The following PATJ variants were observed in gnomAD, a reference collection of about 807,000 sequenced individuals.
The protein encoded by PATJ is PATJ crumbs cell polarity complex component.
Under a neutral mutation model 224.9 loss-of-function variants are expected in PATJ, and 190 were observed. The ratio of observed to expected loss-of-function variants is 0.84; its 90% CI spans 0.75 to 0.95. PATJ has a LOEUF of 0.95. PATJ is among the 40% of genes least tolerant of loss of function. PATJ has a pLI of 0.00. For missense variants in PATJ, 2,121 were observed against 2,270.3 expected (o/e 0.93, Z 1.34); for synonymous variants, 769 against 820.3 (o/e 0.94, Z 1.07).
At chr1:61,849,912 T>C (rs1208485970) in intron 17 of PATJ, among the ~76,000 whole-genome samples, 1 of 152,230 alleles carries the variant, frequency 6.6e-6, no homozygotes, top group East Asian at 1.9e-4. Flanking sequence ...GCTAAGCATA[T>C]AAATGTTAAA....
intron 41 of PATJ, among the ~76,000 whole-genome samples, chr1:62,132,847 T>A (rs2148961461): frequency 6.6e-6 from 1 of 152,076 alleles, no homozygotes; most frequent in South Asian, 2.1e-4. Flanking sequence ...GAGGTTGCAG[T>A]GAGCCAAGAT....
At chr1:61,851,294 G>T (rs759800658) in intron 17 of PATJ, among the ~76,000 whole-genome samples, 7 of 152,216 alleles carry the variant, frequency 4.6e-5, no homozygotes, top group Non-Finnish European at 7.4e-5. Context: ...TTGGTTTAGG[G>T]ATATCACAGA....
chr1:61,990,225 A>G lies in PATJ; in HGVS notation c.3728A>G (p.Glu1243Gly), dbSNP rs751496732. ...GGAGAACTGCACATTATTGAACTTGAAAAAGATAAGAATGGACTTGGACTC... is the reference window on the plus strand; with the variant it reads ...GGAGAACTGCACATTATTGAACTTGGAAAAGATAAGAATGGACTTGGACTC... ...LPGELHIIELEKDKNGLGLSL... is the reference protein window; with the variant it reads ...LPGELHIIELGKDKNGLGLSL... The change falls in exon 28 of 44, where the codon GAA becomes GGA. Residue 1243 changes from glutamate (E) to glycine (G), a missense_variant. Transcript: ENST00000642238. The G allele has an allele frequency of 6.2e-7, 1 of 1,613,826 alleles. No homozygotes were observed. Among genetic ancestry groups the G allele is most frequent in the Non-Finnish European group, 8.5e-7 (1 of 1,179,874 alleles).
chr1:61,997,683 G>T (rs975157207), intron 28 of PATJ, among the ~76,000 whole-genome samples: 4 of 151,960 alleles, frequency 2.6e-5, no homozygotes, highest in African/African-American at 9.7e-5. Context: ...AGTAGATAAA[G>T]ATTAATGCAA....
chr1:62,062,808 C>A (rs932220182), intron 31 of PATJ, among the ~76,000 whole-genome samples: 4 of 152,140 alleles, frequency 2.6e-5, no homozygotes, highest in Admixed American at 2.6e-4. Flanking sequence ...TGTCTTCTTT[C>A]CAGAAGAGTG....
chr1:62,088,018 A>G (rs562283119), intron 33 of PATJ, among the ~76,000 whole-genome samples: 2 of 112,096 alleles, frequency 1.8e-5, no homozygotes, highest in Non-Finnish European at 4.2e-5. Context: ...CAGCCTCCTG[A>G]GTAGCTGGGA....
chr1:62,142,486 A>T (rs1442383473), intron 41 of PATJ, among the ~76,000 whole-genome samples: 13 of 152,200 alleles, frequency 8.5e-5, no homozygotes, highest in Admixed American at 8.5e-4. Context: ...CCTATTCCTT[A>T]TGACAGTTTT....
At chr1:61,878,704 A>G (rs915303766) in intron 21 of PATJ, among the ~76,000 whole-genome samples, 2 of 152,130 alleles carry the variant, frequency 1.3e-5, no homozygotes, top group Non-Finnish European at 2.9e-5. Context: ...AAAAGTTTTA[A>G]AAGAGTATCT....
rs1344621798 is a variant in PATJ at position 62,000,193 on chromosome 1, G to T, written c.3867+9829G>T. 2.7e-5 allele frequency among the ~76,000 whole-genome samples: 4 copies of T among 148,010 alleles called. No individual in the cohort carries two copies. The East Asian group carries it at 8.3e-4, about 31-fold the overall frequency. On this transcript the variant is annotated intron_variant, in intron 28 of 43. Coordinates refer to ENST00000642238, the MANE Select transcript of PATJ (RefSeq NM_001350145.3). ...TGACAGCCACCGTGCCCAGCCTAGAGTTTTTTGTTTTTTTTTTTTTATACT... is the reference window on the plus strand; with the variant it reads ...TGACAGCCACCGTGCCCAGCCTAGATTTTTTTGTTTTTTTTTTTTTATACT...
chr1:62,077,894 GA>G lies in PATJ; in HGVS notation c.4126-1549del, dbSNP rs376764721. On this transcript the variant is annotated intron_variant, in intron 31 of 43. Coordinates refer to ENST00000642238, the MANE Select transcript of PATJ (RefSeq NM_001350145.3). ...ATTTATGCTTGGTTTTCTGCAAAAA[GA>G]AAAAAAGTAATATTTAACTGTCGGG... Among the ~76,000 whole-genome samples, 483 of 152,184 alleles carry G rather than the reference GA, an allele frequency of 3.2e-3. 3 individuals are homozygous for G. Among genetic ancestry groups the G allele is most frequent in the African/African-American group, 0.011 (459 of 41,510 alleles).
At chr1:61,788,901 C>T (rs919276473) in intron 8 of PATJ, among the ~76,000 whole-genome samples, 2 of 152,058 alleles carry the variant, frequency 1.3e-5, no homozygotes, top group Non-Finnish European at 2.9e-5. Flanking sequence ...CTCGAACTCC[C>T]AACCTCAGGT....
At chr1:61,797,744 C>A (rs4915778) in intron 11 of PATJ, among the ~76,000 whole-genome samples, 56,960 of 151,832 alleles carry the variant, frequency 0.38, 12,346 homozygotes, top group South Asian at 0.56. Flanking sequence ...GCTTTGACAC[C>A]TTTTGTTAGG....
At chr1:61,945,100 C>T (rs191477484) in intron 27 of PATJ, among the ~76,000 whole-genome samples, 1,853 of 152,260 alleles carry the variant, frequency 0.012, 27 homozygotes, top group South Asian at 0.055. Flanking sequence ...AAGTAACAAC[C>T]GATACCAGCC....
intron 37 of PATJ, among the ~76,000 whole-genome samples, chr1:62,119,159 A>G (rs1261783748): frequency 2.0e-5 from 3 of 151,932 alleles, no homozygotes. Flanking sequence ...ATTTTTAAAA[A>G]CAGTAAATAT....
intron 28 of PATJ, among the ~76,000 whole-genome samples, chr1:62,017,487 G>C (rs1338110853): frequency 6.6e-6 from 1 of 151,852 alleles, no homozygotes. Context: ...ACTTTGGGAG[G>C]CTGAGGCAGG....
At chr1:62,075,495 C>G (rs1329487710) in intron 31 of PATJ, among the ~76,000 whole-genome samples, 2 of 152,170 alleles carry the variant, frequency 1.3e-5, no homozygotes, top group East Asian at 1.9e-4. Flanking sequence ...ATGGGGCGGT[C>G]AAGTGACTTG....
At chr1:62,127,475 T>C (rs1017639111) in intron 39 of PATJ, among the ~76,000 whole-genome samples, 1 of 151,244 alleles carries the variant, frequency 6.6e-6, no homozygotes, top group Admixed American at 6.6e-5. Flanking sequence ...TTTCACAAGG[T>C]TAAGTAACTT....
intron 28 of PATJ, among the ~76,000 whole-genome samples, chr1:62,014,435 CA>C (rs1435633740): frequency 1.3e-5 from 2 of 151,546 alleles, no homozygotes; most frequent in African/African-American, 2.4e-5. Context: ...ATATGGTCAG[CA>C]AAAAACATGA....
chr1:61,895,157 C>G (rs1670179307), intron 22 of PATJ, among the ~76,000 whole-genome samples: 1 of 152,108 alleles, frequency 6.6e-6, no homozygotes, highest in Non-Finnish European at 1.5e-5. Flanking sequence ...GAAATTGGAA[C>G]TTATATTTAA....
Sources: allele counts gnomAD v4.1 joint callset (sites outside exome capture counted in the v4.1 genomes callset), GRCh38; gene constraint gnomAD v4.1.1; transcripts MANE v1.5; gene names NCBI Gene and HGNC (gene_info 2026-07-23, HGNC 2026-07-21).